The following EFCAB11 variants were observed in gnomAD, a reference collection of about 807,000 sequenced individuals.
EFCAB11 encodes EF-hand calcium-binding domain-containing protein 11.
In EFCAB11, 14 loss-of-function variants were observed where a neutral mutation model predicts 23.0. That is an observed-to-expected ratio of 0.61 (90% confidence interval 0.40 to 0.95). The LOEUF is 0.95. Ranked by LOEUF, EFCAB11 falls within the 40% of genes least tolerant of loss-of-function variation. EFCAB11 has a pLI of 0.00. For synonymous variants in EFCAB11, 65 were observed against 66.6 expected (o/e 0.98, Z 0.11); for missense variants, 198 against 195.8 (o/e 1.01, Z -0.07).
At chr14:89,810,732 G>A (rs559530484) in intron 5 of EFCAB11, among the ~76,000 whole-genome samples, 2 of 149,240 alleles carry the variant, frequency 1.3e-5, no homozygotes, top group African/African-American at 4.9e-5. Flanking sequence ...CTCCAGCCTG[G>A]GTGACAAAGT....
chr14:89,894,263 TTTTAA>T (rs1374374696), intron 5 of EFCAB11, among the ~76,000 whole-genome samples: 4 of 152,222 alleles, frequency 2.6e-5, no homozygotes, highest in African/African-American at 4.8e-5. Flanking sequence ...ATTTTTTTTT[TTTTAA>T]TTTAAGTTCT....
intron 5 of EFCAB11, among the ~76,000 whole-genome samples, chr14:89,832,246 G>A (rs140729284): frequency 3.7e-4 from 56 of 152,280 alleles, no homozygotes; most frequent in Non-Finnish European, 7.8e-4. Context: ...CCGGGAGGCA[G>A]AGGTTGCAGT....
At chr14:89,864,803 G>T (rs1888034126) in intron 5 of EFCAB11, among the ~76,000 whole-genome samples, 1 of 152,168 alleles carries the variant, frequency 6.6e-6, no homozygotes, top group Non-Finnish European at 1.5e-5. Context: ...ATGCGTCAGT[G>T]TTGTTTGGTG....
intron 5 of EFCAB11, among the ~76,000 whole-genome samples, chr14:89,925,957 T>C (rs1377077573): frequency 6.6e-6 from 1 of 152,162 alleles, no homozygotes; most frequent in East Asian, 1.9e-4. Context: ...GCCTCCTGAG[T>C]AGCTGGGATT....
chr14:89,914,178 G>C (rs1390294724), intron 5 of EFCAB11, among the ~76,000 whole-genome samples: 2 of 152,218 alleles, frequency 1.3e-5, no homozygotes, highest in Non-Finnish European at 2.9e-5. Context: ...TATCTCTTTT[G>C]TGAGTTCTTT....
At chr14:89,803,827 G>A (rs1885871175) in intron 5 of EFCAB11, among the ~76,000 whole-genome samples, 1 of 152,212 alleles carries the variant, frequency 6.6e-6, no homozygotes, top group Non-Finnish European at 1.5e-5. Context: ...TCCCACTGGC[G>A]TGCTTGCCTC....
chr14:89,927,911 T>G (rs761721178), intron 5 of EFCAB11, among the ~76,000 whole-genome samples: 3 of 152,084 alleles, frequency 2.0e-5, no homozygotes, highest in Non-Finnish European at 4.4e-5. Context: ...TTAGTATAGA[T>G]GGAGTTTCGC....
intron 5 of EFCAB11, among the ~76,000 whole-genome samples, chr14:89,833,872 A>G (rs1214935659): frequency 6.6e-6 from 1 of 152,204 alleles, no homozygotes. Context: ...GCAAAATGAA[A>G]TGATGGTGTG....
intron 5 of EFCAB11, among the ~76,000 whole-genome samples, chr14:89,852,772 C>T (rs1392774383): frequency 6.6e-6 from 1 of 152,164 alleles, no homozygotes; most frequent in Non-Finnish European, 1.5e-5. Context: ...TTAAAATATA[C>T]ATAATATAAC....
At chr14:89,894,065 C>T (rs1275880002) in intron 5 of EFCAB11, among the ~76,000 whole-genome samples, 3 of 151,872 alleles carry the variant, frequency 2.0e-5, no homozygotes, top group African/African-American at 4.8e-5. Context: ...CTGCAAGCTC[C>T]GCCTCCCGGG....
intron 5 of EFCAB11, among the ~76,000 whole-genome samples, chr14:89,876,504 A>AG (rs1888443205): frequency 6.6e-6 from 1 of 152,206 alleles, no homozygotes; most frequent in Admixed American, 6.5e-5. Context: ...AAAGTAAAAA[A>AG]CAAAACAACA....
intron 5 of EFCAB11, among the ~76,000 whole-genome samples, chr14:89,835,234 A>G (rs886363979): frequency 6.6e-6 from 1 of 152,230 alleles, no homozygotes; most frequent in African/African-American, 2.4e-5. Flanking sequence ...GAGGCCCAGC[A>G]TGTTTACACT....
At chr14:89,914,028 G>C (rs1229090755) in intron 5 of EFCAB11, among the ~76,000 whole-genome samples, 1 of 152,082 alleles carries the variant, frequency 6.6e-6, no homozygotes, top group Non-Finnish European at 1.5e-5. Flanking sequence ...TGAACTGTTG[G>C]GGACACTGTT....
intron 5 of EFCAB11, 71 bp downstream of exon 5, chr14:89,931,470 A>G: frequency 7.4e-7 from 1 of 1,355,936 alleles, no homozygotes; most frequent in South Asian, 1.3e-5. Context: ...AGTTCTTTCC[A>G]TAAAGTCAAA....
intron 5 of EFCAB11, among the ~76,000 whole-genome samples, chr14:89,891,063 G>GA (rs1304908886): frequency 6.6e-6 from 1 of 152,212 alleles, no homozygotes; most frequent in Non-Finnish European, 1.5e-5. Context: ...AGTGAATACA[G>GA]AAACTTCCAT....
Position 89,828,800 on chromosome 14 carries a change from C to T in EFCAB11, c.411-31476G>A, listed in dbSNP as rs185276983. Among the ~76,000 whole-genome samples, 27 of 152,196 alleles carry T rather than the reference C, an allele frequency of 1.8e-4. No homozygotes were observed. In the East Asian group the frequency reaches 5.2e-3, roughly 29 times the overall value. On this transcript the variant is annotated intron_variant, in intron 5 of 5. Transcript: ENST00000316738. ...CAGTTCAGCTTGCCAAAATTAAGAT[C>T]CATATACAGTTGGGGAGATATTAGT...
chr14:89,927,668 A>G lies in EFCAB11; in HGVS notation c.410+3873T>C, dbSNP rs1423286098. ...ATCTCTGTTTCTTTGGCCTACTTCA[A>G]TTTACACAAACAGGAAATATTTTTC... On this transcript the variant is annotated intron_variant, in intron 5 of 5. Transcript: ENST00000316738. 2.0e-5 allele frequency among the ~76,000 whole-genome samples: 3 copies of G among 151,794 alleles called. No individual in the cohort carries two copies. In the East Asian group the frequency reaches 5.8e-4, roughly 29 times the overall value.
intron 5 of EFCAB11, among the ~76,000 whole-genome samples, chr14:89,905,597 T>C (rs1356796313): frequency 1.3e-5 from 2 of 152,136 alleles, no homozygotes; most frequent in East Asian, 1.9e-4. Flanking sequence ...GGAGAGGCCA[T>C]CTCAAGAGTT....
intron 1 of EFCAB11, 149 bp downstream of exon 1, chr14:89,954,437 T>A (rs1410540016): frequency 6.5e-7 from 1 of 1,536,998 alleles, no homozygotes; most frequent in African/African-American, 1.4e-5. Context: ...GCCCTGCAGC[T>A]CCAGGATCAG....
Sources: allele counts gnomAD v4.1 joint callset (sites outside exome capture counted in the v4.1 genomes callset), GRCh38; gene constraint gnomAD v4.1.1; transcripts MANE v1.5; gene names NCBI Gene and HGNC (gene_info 2026-07-23, HGNC 2026-07-21).